Variants in JMY observed in about 807,000 individuals in gnomAD.
JMY encodes the protein junction-mediating and -regulatory protein.
JMY carries 46 observed loss-of-function variants against 103.3 expected under a neutral mutation model. The ratio of observed to expected loss-of-function variants is 0.45; its 90% confidence interval spans 0.35 to 0.57. JMY has a LOEUF of 0.57. Ranked by LOEUF, JMY falls within the 20% of genes least tolerant of loss-of-function variation. JMY has a pLI of 0.00. For synonymous variants in JMY, 526 were observed against 489.3 expected, an observed-to-expected ratio of 1.07 and a Z score of -0.99; for missense variants, 1,238 against 1,255.2, an observed-to-expected ratio of 0.99 and a Z score of 0.21.
At chr5:79,306,507 A>G in intron 7 of JMY, 46 bp downstream of exon 7, 1 of 1,342,842 alleles carries the variant, frequency 7.4e-7, no homozygotes, top group African/African-American at 1.4e-5. Flanking sequence ...ATTTTTTTGC[A>G]TGTTTTAGAG....
At position 79,325,296 on chromosome 5, in the gene JMY, A is replaced by G. The variant is rs1210753107; in HGVS notation, c.*3694A>G. ...CATCAGATACCAATGTGTAAAAAGT[A>G]CTATTGGGTCCTTAAGGGCTCTATC... On this transcript the variant is annotated 3_prime_UTR_variant, in exon 11 of 11. Coordinates refer to ENST00000396137, the MANE Select transcript of JMY (RefSeq NM_152405.5). 6.6e-6 allele frequency: 1 copy of G among 152,178 alleles called. No individual in the cohort carries two copies. Among genetic ancestry groups the G allele is most frequent in the Non-Finnish European group, 1.5e-5 (1 of 67,990 alleles). The allele number at this position is 152,178 out of a possible 1,614,324, so 9.4% of individuals were successfully genotyped here. A position where few individuals can be genotyped will look rare whatever the true frequency, so the allele number is the denominator to read the frequency against.
At chr5:79,293,097 C>G (rs1320245706) in intron 4 of JMY, among the ~76,000 whole-genome samples, 1 of 151,978 alleles carries the variant, frequency 6.6e-6, no homozygotes, top group Non-Finnish European at 1.5e-5. Flanking sequence ...ACAGTACTAC[C>G]CTGTGATTTG....
In JMY at chr5:79,237,655, T is replaced by G; in HGVS notation, c.1005T>G (p.Leu335=). ...GGCAGAAGGGCTACGAAGAAGTGCT[T>G]CAGCGGGCCAGGAAGCGCATCCAGG... is the stretch of plus-strand genomic sequence containing the variant. ...ELRQKGYEEV[L]QRARKRIQEL... is the part of the protein sequence containing the mutation. Residue 335 remains leucine (L), a synonymous_variant, in exon 1 of 11, where the codon CTT becomes CTG. Coordinates refer to ENST00000396137, the MANE Select transcript of JMY (RefSeq NM_152405.5). The G allele has an allele frequency of 6.2e-7, 1 of 1,613,420 alleles. No homozygotes were observed.
chr5:79,263,968 G>A (rs138738133), intron 1 of JMY, among the ~76,000 whole-genome samples: 9 of 151,594 alleles, frequency 5.9e-5, no homozygotes, highest in African/African-American at 1.9e-4. Flanking sequence ...CAGCTAATTA[G>A]TAGAGACGGG....
At chr5:79,296,725 T>C (rs924440979) in intron 4 of JMY, among the ~76,000 whole-genome samples, 1 of 152,206 alleles carries the variant, frequency 6.6e-6, no homozygotes, top group African/African-American at 2.4e-5. Context: ...GGATGCTCAG[T>C]GAGTATTTTT....
chr5:79,238,163 T>C (rs1744582878), intron 1 of JMY, among the ~76,000 whole-genome samples: 18 of 152,186 alleles, frequency 1.2e-4, no homozygotes, highest in Admixed American at 1.2e-3. Flanking sequence ...TTAAATTCAT[T>C]TTTAAACGAG....
At chr5:79,274,763 A>G (rs1745890039) in intron 1 of JMY, among the ~76,000 whole-genome samples, 1 of 152,040 alleles carries the variant, frequency 6.6e-6, no homozygotes, top group Admixed American at 6.6e-5. Flanking sequence ...TGGTCTGTTA[A>G]TCTTGGATTA....
chr5:79,265,744 A>G (rs1043769456), intron 1 of JMY, among the ~76,000 whole-genome samples: 4 of 147,504 alleles, frequency 2.7e-5, no homozygotes, highest in Admixed American at 1.3e-4. Flanking sequence ...GGCCTCACCC[A>G]CTGTTTCCCA....
chr5:79,299,891 A>G (rs1448561280), intron 4 of JMY, among the ~76,000 whole-genome samples: 1 of 152,192 alleles, frequency 6.6e-6, no homozygotes, highest in African/African-American at 2.4e-5. Context: ...ATTACCATAA[A>G]TATGCATAAG....
At chr5:79,297,700 C>T (rs1256687732) in intron 4 of JMY, among the ~76,000 whole-genome samples, 4 of 152,162 alleles carry the variant, frequency 2.6e-5, no homozygotes, top group Non-Finnish European at 4.4e-5. Flanking sequence ...TCCCAAAGTC[C>T]ACCACTGACC....
chr5:79,267,793 C>T (rs1421133267), intron 1 of JMY, among the ~76,000 whole-genome samples: 1 of 152,222 alleles, frequency 6.6e-6, no homozygotes, highest in African/African-American at 2.4e-5. Flanking sequence ...TGTTGAAAGA[C>T]ATCTTGGTTG....
chr5:79,236,914 T>C lies in JMY; in HGVS notation c.264T>C (p.Gly88=), dbSNP rs1446236691. The change falls in exon 1 of 11, where the codon GGT becomes GGC. Residue 88 remains glycine, a synonymous_variant. Coordinates refer to ENST00000396137, the MANE Select transcript of JMY (RefSeq NM_152405.5). ...GGCCCGGCAGCCCGGCGGGCAGGGG[T>C]CGGCCCGAGGCCACTGCCTCTGCAA... is the stretch of plus-strand genomic sequence containing the variant. ...SRGPGSPAGR[G]RPEATASATL... The C allele has an allele frequency of 2.2e-6, 3 of 1,356,456 alleles. No homozygotes were observed. Among genetic ancestry groups the C allele is most frequent in the Non-Finnish European group, 2.8e-6 (3 of 1,059,760 alleles). The allele number at this position is 1,356,456 out of a possible 1,614,324, so 84.0% of individuals were successfully genotyped here. A position where few individuals can be genotyped will look rare whatever the true frequency, so the allele number is the denominator to read the frequency against.
At chr5:79,279,115 C>T (rs1440529301) in intron 2 of JMY, among the ~76,000 whole-genome samples, 1 of 152,094 alleles carries the variant, frequency 6.6e-6, no homozygotes, top group Admixed American at 6.5e-5. Context: ...AGGTGGATCA[C>T]CTGAGGTCAG....
intron 6 of JMY, among the ~76,000 whole-genome samples, chr5:79,305,347 G>A (rs1053929089): frequency 7.9e-5 from 12 of 152,054 alleles, no homozygotes; most frequent in Admixed American, 4.6e-4. Flanking sequence ...AGCTGCTTGG[G>A]AGGCTGAGAT....
At chr5:79,253,086 G>GT (rs1402892739) in intron 1 of JMY, among the ~76,000 whole-genome samples, 2 of 151,862 alleles carry the variant, frequency 1.3e-5, no homozygotes, top group African/African-American at 4.8e-5. Context: ...TGTTTTTTAT[G>GT]TTTTTTGGTT....
At chr5:79,290,099 T>A (rs753834721) in intron 2 of JMY, 22 bp from the exon 3 acceptor site, 1 of 1,552,480 alleles carries the variant, frequency 6.4e-7, no homozygotes, top group South Asian at 1.2e-5. Flanking sequence ...AACTTCTTAA[T>A]TTTTTCTTTT....
intron 1 of JMY, among the ~76,000 whole-genome samples, chr5:79,252,745 C>G (rs2112054685): frequency 6.6e-6 from 1 of 152,270 alleles, no homozygotes. Flanking sequence ...GTCTTGAAAT[C>G]TATTTTGTCT....
intron 4 of JMY, among the ~76,000 whole-genome samples, chr5:79,296,085 G>GTT (rs144377888): frequency 6.6e-6 from 1 of 152,144 alleles, no homozygotes; most frequent in African/African-American, 2.4e-5. Context: ...GAATCCCAGG[G>GTT]TTTTTTTAGA....
chr5:79,286,255 C>T (rs989562979), intron 2 of JMY, among the ~76,000 whole-genome samples: 3 of 152,092 alleles, frequency 2.0e-5, no homozygotes, highest in Non-Finnish European at 1.5e-5. Context: ...TGTAGCTGTA[C>T]TCATAAAGGT....
Sources: gnomAD v4.1 joint callset for allele counts (sites outside exome capture counted in the v4.1 genomes callset) on GRCh38, gnomAD v4.1.1 for gene constraint, MANE v1.5 for transcripts, NCBI Gene and HGNC (gene_info 2026-07-23, HGNC 2026-07-21) for gene names.